LGR4: variants seen among roughly 807,000 people sequenced by gnomAD.
The protein encoded by LGR4 is leucine-rich repeat-containing G protein-coupled receptor 4.
A neutral mutation model predicts 84.8 loss-of-function variants in LGR4; 44 were observed. That is an observed-to-expected ratio of 0.52 (90% CI 0.41 to 0.67). LGR4 has a LOEUF of 0.67. Ranked by LOEUF, LGR4 falls within the 30% of genes least tolerant of loss-of-function variation. The pLI is 0.00. For missense variants in LGR4, 1,032 were observed against 1,131.4 expected, an observed-to-expected ratio of 0.91 and a Z score of 1.26; for synonymous variants, 429 against 434.3, an observed-to-expected ratio of 0.99 and a Z score of 0.15.
At chr11:27,443,680 G>A (rs1864339569) in intron 1 of LGR4, among the ~76,000 whole-genome samples, 1 of 152,162 alleles carries the variant, frequency 6.6e-6, no homozygotes, top group East Asian at 1.9e-4. Flanking sequence ...ACATTAAAAT[G>A]ACCCTTTCAT....
intron 2 of LGR4, among the ~76,000 whole-genome samples, chr11:27,407,124 T>G (rs749731656): frequency 3.3e-5 from 5 of 152,172 alleles, no homozygotes; most frequent in African/African-American, 4.8e-5. Context: ...TATCTACTAT[T>G]GGGTCTTGAT....
At chr11:27,378,874 T>C in intron 10 of LGR4, 106 bp from the exon 11 acceptor site, 1 of 741,154 alleles carries the variant, frequency 1.3e-6, no homozygotes, top group East Asian at 2.6e-5. Context: ...TGGACTAGAT[T>C]CTATACATCC....
At chr11:27,387,824 G>T (rs1203062858) in intron 4 of LGR4, among the ~76,000 whole-genome samples, 4 of 152,112 alleles carry the variant, frequency 2.6e-5, no homozygotes, top group Non-Finnish European at 4.4e-5. Flanking sequence ...AGTATGTAAT[G>T]CACCTCCAAA....
chr11:27,453,392 T>C (rs1277832405), intron 1 of LGR4, among the ~76,000 whole-genome samples: 7 of 152,210 alleles, frequency 4.6e-5, no homozygotes, highest in Admixed American at 4.6e-4. Flanking sequence ...AATTTTGTTT[T>C]GCCATTGCTT....
At chr11:27,384,450 T>C (rs1401779226) in intron 5 of LGR4, 43 bp from the exon 6 acceptor site, 9 of 1,287,434 alleles carry the variant, frequency 7.0e-6, no homozygotes, top group Middle Eastern at 4.1e-4. Flanking sequence ...CCATCTCCCA[T>C]TGGCAACTAT....
chr11:27,464,282 T>C (rs1864737604), intron 1 of LGR4, among the ~76,000 whole-genome samples: 1 of 152,192 alleles, frequency 6.6e-6, no homozygotes, highest in African/African-American at 2.4e-5. Context: ...GCCAAGCCCT[T>C]CATATGTGAC....
At chr11:27,435,587 A>C (rs575513377) in intron 1 of LGR4, among the ~76,000 whole-genome samples, 2 of 147,782 alleles carry the variant, frequency 1.4e-5, no homozygotes, top group South Asian at 4.4e-4. Flanking sequence ...TCCTGGGTTC[A>C]AGCTATTCTC....
At chr11:27,439,187 A>G (rs1053491656) in intron 1 of LGR4, among the ~76,000 whole-genome samples, 2 of 152,088 alleles carry the variant, frequency 1.3e-5, no homozygotes, top group African/African-American at 4.8e-5. Flanking sequence ...ATCTTGCAAA[A>G]CTGAAACTCT....
chr11:27,457,261 T>C (rs957858326), intron 1 of LGR4, among the ~76,000 whole-genome samples: 1 of 152,194 alleles, frequency 6.6e-6, no homozygotes, highest in Non-Finnish European at 1.5e-5. Flanking sequence ...CTTCACTAAA[T>C]ATCCATTTTT....
At chr11:27,392,110 T>C (rs1033262440) in intron 3 of LGR4, among the ~76,000 whole-genome samples, 1 of 152,148 alleles carries the variant, frequency 6.6e-6, no homozygotes, top group Non-Finnish European at 1.5e-5. Flanking sequence ...GTCAGGTAAT[T>C]CAAAGTTCTT....
chr11:27,395,823 C>T (rs982532706), intron 2 of LGR4, among the ~76,000 whole-genome samples: 1 of 152,162 alleles, frequency 6.6e-6, no homozygotes, highest in African/African-American at 2.4e-5. Context: ...CCAGTAATTG[C>T]ACCCGCCAGA....
At chr11:27,389,200 C>T (rs1268069047) in intron 4 of LGR4, among the ~76,000 whole-genome samples, 1 of 152,070 alleles carries the variant, frequency 6.6e-6, no homozygotes, top group Non-Finnish European at 1.5e-5. Flanking sequence ...CTAACTTCAC[C>T]ACTGCACCCA....
Position 27,441,675 on chromosome 11 carries a change from G to A in LGR4, c.186-28815C>T, listed in dbSNP as rs1000821424. Among the ~76,000 whole-genome samples, 4 of 152,310 alleles carry A rather than the reference G, an allele frequency of 2.6e-5. No homozygotes were observed. In the South Asian group the frequency reaches 8.3e-4, roughly 32 times the overall value. On this transcript the variant is annotated intron_variant, in intron 1 of 17. Coordinates refer to ENST00000379214, the MANE Select transcript of LGR4 (RefSeq NM_018490.5). The stretch of plus-strand genomic sequence containing the variant: ...GAGAGAGAGAGGGGCTGTAGTCAGA[G>A]GGATTTAGCAGTTCTGTGGTCACAA...
intron 9 of LGR4, 79 bp from the exon 10 acceptor site, chr11:27,380,418 T>C: frequency 9.8e-7 from 1 of 1,017,552 alleles, no homozygotes. Flanking sequence ...AAAATTACAG[T>C]GCAACTATAA....
At chr11:27,396,130 C>T (rs1863387594) in intron 2 of LGR4, among the ~76,000 whole-genome samples, 1 of 152,178 alleles carries the variant, frequency 6.6e-6, no homozygotes, top group Non-Finnish European at 1.5e-5. Flanking sequence ...ACTGCTTGTA[C>T]ATGAAGGAGC....
chr11:27,404,552 C>T (rs1430613904), intron 2 of LGR4, among the ~76,000 whole-genome samples: 1 of 152,088 alleles, frequency 6.6e-6, no homozygotes, highest in Non-Finnish European at 1.5e-5. Flanking sequence ...TCTTTCTGCC[C>T]AGCAGGTCTT....
At chr11:27,460,237 C>T (rs1349835121) in intron 1 of LGR4, among the ~76,000 whole-genome samples, 1 of 152,150 alleles carries the variant, frequency 6.6e-6, no homozygotes, top group Admixed American at 6.5e-5. Flanking sequence ...GACCTGAAAC[C>T]GAGCTCCCAA....
At chr11:27,398,831 G>A (rs566854950) in intron 2 of LGR4, among the ~76,000 whole-genome samples, 2 of 152,038 alleles carry the variant, frequency 1.3e-5, no homozygotes, top group Non-Finnish European at 2.9e-5. Flanking sequence ...AAAGTACTTC[G>A]AGCACCACCA....
chr11:27,442,332 C>A (rs1217550793), intron 1 of LGR4, among the ~76,000 whole-genome samples: 1 of 152,164 alleles, frequency 6.6e-6, no homozygotes, highest in Non-Finnish European at 1.5e-5. Context: ...ATCCAAAGAG[C>A]CTGATAGGCC....
Sources: allele counts gnomAD v4.1 joint callset (sites outside exome capture counted in the v4.1 genomes callset), GRCh38; gene constraint gnomAD v4.1.1; transcripts MANE v1.5; gene names NCBI Gene and HGNC (gene_info 2026-07-23, HGNC 2026-07-21).